Variants in MAP3K7CL observed in about 807,000 individuals in gnomAD.
MAP3K7CL encodes MAP3K7 C-terminal-like protein.
A neutral mutation model predicts 18.6 loss-of-function variants in MAP3K7CL; 16 were observed. That is an observed-to-expected ratio of 0.86 (90% CI 0.58 to 1.31). The LOEUF is 1.31. MAP3K7CL is among the 50% of genes most tolerant of loss of function. The pLI, the probability that MAP3K7CL is intolerant of heterozygous loss-of-function variation, is 0.00. For missense variants in MAP3K7CL, 163 were observed against 174.4 expected (o/e 0.93, Z 0.37); for synonymous variants, 65 against 66.8 (o/e 0.97, Z 0.13).
In MAP3K7CL at chr21:29,169,542, A is replaced by G. The variant is rs1031989191; in HGVS notation, c.249-5170A>G. Reference sequence around the variant, plus strand: ...TTAAAAGTAAAATTCTCCCTATGATAAAGGTATTTTATTATATTATTTCCC... The same window carrying G: ...TTAAAAGTAAAATTCTCCCTATGATGAAGGTATTTTATTATATTATTTCCC... On this transcript the variant is annotated intron_variant, in intron 4 of 4. Coordinates refer to ENST00000399928, the MANE Select transcript of MAP3K7CL (RefSeq NM_001286620.2). Among the ~76,000 whole-genome samples the G allele has an allele frequency of 3.9e-5, 6 of 152,186 alleles. No individual in the cohort carries two copies. In the East Asian group the frequency reaches 1.2e-3, roughly 29 times the overall value.
chr21:29,139,906 T>G (rs997595453), intron 2 of MAP3K7CL, among the ~76,000 whole-genome samples: 5 of 141,142 alleles, frequency 3.5e-5, no homozygotes, highest in Non-Finnish European at 7.5e-5. Flanking sequence ...TTTTTTTTTT[T>G]TTTTTTTTTT....
At chr21:29,085,855 G>T (rs571280790), upstream of MAP3K7CL, 34 of 1,614,036 alleles carry the variant, frequency 2.1e-5, no homozygotes, top group Non-Finnish European at 2.8e-5. Flanking sequence ...CATGCAAAGC[G>T]ACTAGATGGT....
chr21:29,115,416 C>A (rs922849936), intron 4 of MAP3K7CL, among the ~76,000 whole-genome samples: 1 of 151,974 alleles, frequency 6.6e-6, no homozygotes, highest in Non-Finnish European at 1.5e-5. Context: ...AATCAACATT[C>A]TTTTTAGTAG....
chr21:29,093,813 C>G (rs1304935592), intron 4 of MAP3K7CL, among the ~76,000 whole-genome samples: 4 of 152,134 alleles, frequency 2.6e-5, no homozygotes, highest in African/African-American at 9.7e-5. Flanking sequence ...GGTTTAAGTT[C>G]CATCTCTGCC....
chr21:29,153,199 C>T (rs1031714004), intron 3 of MAP3K7CL, among the ~76,000 whole-genome samples: 1 of 152,122 alleles, frequency 6.6e-6, no homozygotes, highest in African/African-American at 2.4e-5. Flanking sequence ...AGCAAGAGAC[C>T]GCAGGAGAAG....
At chr21:29,098,734 C>G (rs897644061) in intron 4 of MAP3K7CL, among the ~76,000 whole-genome samples, 1 of 152,210 alleles carries the variant, frequency 6.6e-6, no homozygotes, top group Non-Finnish European at 1.5e-5. Flanking sequence ...ATGATTTAAA[C>G]AGCCAAGTCC....
At position 29,175,142 on chromosome 21, in the gene MAP3K7CL, GT is replaced by G. The variant is rs1261645273; in HGVS notation, c.*257del. 1.2e-5 allele frequency: 4 copies of G among 335,070 alleles called. No individual in the cohort carries two copies. The highest frequency in any genetic ancestry group is 5.6e-5 in the East Asian group (1 of 17,826). 20.8% of individuals were successfully genotyped at this position (335,070 alleles called of 1,614,324 possible). A position where few individuals can be genotyped will look rare whatever the true frequency, so the allele number is the denominator to read the frequency against. On this transcript the variant is annotated 3_prime_UTR_variant, in exon 5 of 5. Transcript: ENST00000399928. ...TCAGAATTCTTTTCCAAAGATATAT[GT>G]TTTTTTCTTTTTTAGGAAGATATGA...
intron 4 of MAP3K7CL, among the ~76,000 whole-genome samples, chr21:29,125,517 G>C (rs2086666849): frequency 6.6e-6 from 1 of 152,200 alleles, no homozygotes; most frequent in Admixed American, 6.5e-5. Context: ...CTTTGATTAG[G>C]AAAAGTGGCT....
chr21:29,095,185 C>T (rs115838679), intron 4 of MAP3K7CL, among the ~76,000 whole-genome samples: 30 of 151,682 alleles, frequency 2.0e-4, no homozygotes, highest in African/African-American at 7.0e-4. Flanking sequence ...CCCACCCCCA[C>T]ACCCCTGCAC....
At chr21:29,166,398 ATTC>A (rs1162224489) in intron 4 of MAP3K7CL, among the ~76,000 whole-genome samples, 1 of 152,214 alleles carries the variant, frequency 6.6e-6, no homozygotes, top group African/African-American at 2.4e-5. Context: ...TAAAAAATCT[ATTC>A]TTCTGCTGAT....
intron 1 of MAP3K7CL, among the ~76,000 whole-genome samples, chr21:29,080,119 A>G (rs1264838236): frequency 2.0e-5 from 3 of 152,198 alleles, no homozygotes. Context: ...GCCTTTATGA[A>G]TCAACTGTTG....
chr21:29,107,887 C>T (rs2086351482), intron 4 of MAP3K7CL, among the ~76,000 whole-genome samples: 1 of 152,190 alleles, frequency 6.6e-6, no homozygotes, highest in South Asian at 2.1e-4. Flanking sequence ...TCATAATATT[C>T]ATGACAACTC....
At chr21:29,135,933 G>A (rs2086876108) in intron 2 of MAP3K7CL, among the ~76,000 whole-genome samples, 1 of 152,034 alleles carries the variant, frequency 6.6e-6, no homozygotes, top group East Asian at 1.9e-4. Context: ...TCTCTAGAAA[G>A]GGCACCTACC....
intron 4 of MAP3K7CL, among the ~76,000 whole-genome samples, chr21:29,108,014 ATGGGATTAG>A (rs2066963169): frequency 6.6e-6 from 1 of 152,206 alleles, no homozygotes; most frequent in Admixed American, 6.5e-5. Flanking sequence ...ATTTTGATAA[ATGGGATTAG>A]TTATTTTCTT....
chr21:29,128,914 C>A (rs2086728819), upstream of MAP3K7CL, among the ~76,000 whole-genome samples: 1 of 152,024 alleles, frequency 6.6e-6, no homozygotes, highest in Non-Finnish European at 1.5e-5. Context: ...ATATTAATTC[C>A]TGAAAAGAAT....
In MAP3K7CL at chr21:29,130,916, T is replaced by A. The variant is rs2086767773; in HGVS notation, c.-47T>A. On this transcript the variant is annotated 5_prime_UTR_variant, in exon 1 of 5. An upstream open reading frame in the 5' UTR loses its in-frame stop. Transcript: ENST00000399928. ...GGTTACACAAGTGCAGACACTCAAC[T>A]AAGTGAGGTAAGCCAACAGGTGTGA... 2 of 985,346 alleles carry A rather than the reference T, an allele frequency of 2.0e-6. No homozygotes were observed. The highest frequency in any genetic ancestry group is 6.1e-5 in the Admixed American group (1 of 16,270). The allele number at this position is 985,346 out of a possible 1,614,324, so 61.0% of individuals were successfully genotyped here.
intron 4 of MAP3K7CL, among the ~76,000 whole-genome samples, chr21:29,169,493 C>T (rs189111169): frequency 6.6e-6 from 1 of 152,268 alleles, no homozygotes; most frequent in East Asian, 1.9e-4. Context: ...CAAGATCCAC[C>T]AACAATACAG....
chr21:29,099,725 A>C (rs1378699144), intron 4 of MAP3K7CL, among the ~76,000 whole-genome samples: 1 of 152,076 alleles, frequency 6.6e-6, no homozygotes. Context: ...GCAGGTTAGA[A>C]ACCTCTTCTT....
intron 1 of MAP3K7CL, chr21:29,091,440 A>G (rs760915613): frequency 5.1e-5 from 32 of 624,128 alleles, no homozygotes; most frequent in Non-Finnish European, 7.7e-5. Flanking sequence ...AAGTCCTTCA[A>G]TTTTATTTTC....
Sources: allele counts gnomAD v4.1 joint callset (sites outside exome capture counted in the v4.1 genomes callset), GRCh38; gene constraint gnomAD v4.1.1; transcripts MANE v1.5; gene names NCBI Gene and HGNC (gene_info 2026-07-23, HGNC 2026-07-21).